CPD: variants seen among roughly 807,000 people sequenced by gnomAD.
The protein encoded by CPD is metallocarboxypeptidase D.
A neutral mutation model predicts 138.3 loss-of-function variants in CPD; 69 were observed. That is an observed-to-expected ratio of 0.50 (90% confidence interval 0.41 to 0.61). The LOEUF (loss-of-function observed/expected upper bound fraction) is 0.61. Among genes scored for constraint, CPD ranks in the 20% least tolerant of loss-of-function variants. The pLI is 0.00. For synonymous variants in CPD, 651 were observed against 642.1 expected, an observed-to-expected ratio of 1.01 and a Z score of -0.21; for missense variants, 1,432 against 1,733.3, an observed-to-expected ratio of 0.83 and a Z score of 3.09.
At position 30,449,529 on chromosome 17, in the gene CPD, T is replaced by A. The variant is rs770685238; in HGVS notation, c.2874-24T>A. The A allele has an allele frequency of 2.4e-5, 38 of 1,557,406 alleles. No homozygotes were observed. The Middle Eastern group carries it at 5.0e-4, about 21-fold the overall frequency. The stretch of plus-strand genomic sequence containing the variant: ...ACATAGTGCTTGATTACTTGCTGAT[T>A]TTTTTGTTTCTGGTTTTTGAAAGTT... On this transcript the variant is annotated intron_variant, in intron 12 of 20. Coordinates refer to ENST00000225719, the MANE Select transcript of CPD (RefSeq NM_001304.5).
At chr17:30,445,433 C>G (rs1200077327) in intron 11 of CPD, among the ~76,000 whole-genome samples, 2 of 151,936 alleles carry the variant, frequency 1.3e-5, no homozygotes, top group African/African-American at 2.4e-5. Context: ...CCACTGCACT[C>G]CAGCCTGGGT....
chr17:30,403,873 A>G (rs1259949852), intron 2 of CPD, among the ~76,000 whole-genome samples: 1 of 152,210 alleles, frequency 6.6e-6, no homozygotes, highest in Admixed American at 6.5e-5. Context: ...TGAAATAACC[A>G]TCACATGATG....
intron 11 of CPD, 48 bp downstream of exon 11, chr17:30,444,019 G>T (rs1912952027): frequency 6.3e-7 from 1 of 1,586,624 alleles, no homozygotes; most frequent in Non-Finnish European, 8.6e-7. Context: ...GACAAACATG[G>T]CTCCATTCTG....
chr17:30,418,726 A>C (rs1011165189), intron 2 of CPD, among the ~76,000 whole-genome samples: 1 of 152,132 alleles, frequency 6.6e-6, no homozygotes, highest in African/African-American at 2.4e-5. Flanking sequence ...TGGAAACAAA[A>C]CGCTTGGCGT....
At chr17:30,449,895 C>T in intron 13 of CPD, 147 bp downstream of exon 13, 1 of 641,918 alleles carries the variant, frequency 1.6e-6, no homozygotes, top group South Asian at 2.5e-5. Flanking sequence ...AAAAATGAAC[C>T]ATCTTTGTAG....
chr17:30,397,823 A>T (rs147478630), intron 2 of CPD, among the ~76,000 whole-genome samples: 10 of 151,390 alleles, frequency 6.6e-5, no homozygotes, highest in Middle Eastern at 3.4e-3. Context: ...TATTTCTAGA[A>T]ATCAAATCTC....
At chr17:30,404,463 A>G (rs1485091652) in intron 2 of CPD, among the ~76,000 whole-genome samples, 1 of 152,160 alleles carries the variant, frequency 6.6e-6, no homozygotes, top group East Asian at 1.9e-4. Flanking sequence ...AGTAATTTAA[A>G]TGGCTGCATA....
chr17:30,395,114 A>G (rs1259747193), intron 2 of CPD, among the ~76,000 whole-genome samples: 2 of 151,866 alleles, frequency 1.3e-5, no homozygotes, highest in East Asian at 3.9e-4. Flanking sequence ...TGAAAATTGA[A>G]TTAATAGTGT....
chr17:30,459,467 G>A (rs1913408436), intron 17 of CPD, among the ~76,000 whole-genome samples: 1 of 151,052 alleles, frequency 6.6e-6, no homozygotes. Context: ...GTGAGAACAT[G>A]CGGTGTTTGG....
Position 30,420,998 on chromosome 17 carries a change from C to G in CPD, c.1137+15C>G, listed in dbSNP as rs762004522. ...TGATTGAAAAGGTAAAAGTAGATGA[C>G]TGGAATGTTGGGGTATAGAAACAGG... On this transcript the variant is annotated intron_variant, in intron 3 of 20. Transcript: ENST00000225719. The G allele has an allele frequency of 6.2e-7, 1 of 1,610,820 alleles. No individual in the cohort carries two copies. The highest frequency in any genetic ancestry group is 1.1e-5 in the South Asian group (1 of 90,534).
chr17:30,388,530 C>T (rs540044398), intron 2 of CPD, among the ~76,000 whole-genome samples: 69 of 152,334 alleles, frequency 4.5e-4, no homozygotes, highest in Non-Finnish European at 7.2e-4. Context: ...GACAGTGCGC[C>T]GCCTCAGCTC....
chr17:30,417,215 A>G (rs1241082343), intron 2 of CPD, among the ~76,000 whole-genome samples: 1 of 152,106 alleles, frequency 6.6e-6, no homozygotes, highest in Non-Finnish European at 1.5e-5. Flanking sequence ...TTTATATTTT[A>G]GAATTTAAAG....
chr17:30,397,378 A>G (rs998245466), intron 2 of CPD, among the ~76,000 whole-genome samples: 17 of 152,172 alleles, frequency 1.1e-4, no homozygotes, highest in Non-Finnish European at 2.2e-4. Flanking sequence ...GCATGCAGGT[A>G]TATCACATTC....
intron 8 of CPD, among the ~76,000 whole-genome samples, chr17:30,435,367 GA>G (rs1912671447): frequency 6.7e-6 from 1 of 150,178 alleles, no homozygotes; most frequent in East Asian, 1.9e-4. Flanking sequence ...ATGGTCAGTT[GA>G]TTTTTTTTTT....
chr17:30,464,444 C>T, intron 20 of CPD, 144 bp from the exon 21 acceptor site: 1 of 677,220 alleles, frequency 1.5e-6, no homozygotes, highest in Non-Finnish European at 2.5e-6. Context: ...TATACTGCTT[C>T]TATAATAATA....
At chr17:30,443,289 A>G (rs1912929325) in intron 10 of CPD, among the ~76,000 whole-genome samples, 1 of 152,134 alleles carries the variant, frequency 6.6e-6, no homozygotes, top group African/African-American at 2.4e-5. Context: ...TCTAAGTGCT[A>G]CTGTCCTACC....
intron 2 of CPD, among the ~76,000 whole-genome samples, chr17:30,388,940 G>A (rs372651180): frequency 8.5e-5 from 13 of 152,142 alleles, no homozygotes; most frequent in Non-Finnish European, 1.5e-5. Context: ...GCCTCCTCCC[G>A]AGCCCAGGAA....
intron 2 of CPD, among the ~76,000 whole-genome samples, chr17:30,403,916 A>G (rs1270052737): frequency 1.3e-5 from 2 of 152,208 alleles, no homozygotes; most frequent in African/African-American, 2.4e-5. Context: ...CTTTTATTCA[A>G]TAGAATACTT....
chr17:30,393,994 G>C (rs529646852), intron 2 of CPD, among the ~76,000 whole-genome samples: 1 of 151,968 alleles, frequency 6.6e-6, no homozygotes, highest in African/African-American at 2.4e-5. Context: ...AATTAGTGGG[G>C]CATGGTGATG....
Sources: gnomAD v4.1 joint callset for allele counts (sites outside exome capture counted in the v4.1 genomes callset) on GRCh38, gnomAD v4.1.1 for gene constraint, MANE v1.5 for transcripts, NCBI Gene and HGNC (gene_info 2026-07-23, HGNC 2026-07-21) for gene names.